The following RLN2 variants were observed in gnomAD, a reference collection of about 807,000 sequenced individuals.
RLN2 encodes relaxin 2.
RLN2 carries 10 observed loss-of-function variants against 7.3 expected under a neutral mutation model. The observed-to-expected ratio is 1.36, with a 90% confidence interval of 0.84 to 2.31. RLN2 has a LOEUF of 2.31. Ranked by LOEUF, RLN2 falls within the 30% of genes most tolerant of loss-of-function variation. RLN2 has a pLI of 0.00. For missense variants in RLN2, 298 were observed against 217.6 expected (o/e 1.37, Z -2.32); for synonymous variants, 103 against 82.3 (o/e 1.25, Z -1.36).
the RLN2 span, among the ~76,000 whole-genome samples, chr9:5,338,174 T>G: frequency 1.8e-5 from 2 of 109,146 alleles, no homozygotes; most frequent in Non-Finnish European, 3.7e-5. Flanking sequence ...AATGTACATT[T>G]GTCTTTAATA....
At chr9:5,335,278 G>A in the RLN2 span, 6 of 1,596,014 alleles carry the variant, frequency 3.8e-6, no homozygotes, top group Admixed American at 1.8e-5. Flanking sequence ...GAGACCTTTT[G>A]GTACAACCAA....
the RLN2 span, among the ~76,000 whole-genome samples, chr9:5,331,146 C>T: frequency 6.6e-6 from 1 of 151,980 alleles, no homozygotes; most frequent in Non-Finnish European, 1.5e-5. Flanking sequence ...CAGATGGATT[C>T]ACAGCCAAAT....
intron 1 of RLN2, 116 bp from the exon 2 acceptor site, chr9:5,300,560 T>C (rs143045902): frequency 2.5e-4 from 174 of 684,138 alleles, no homozygotes; most frequent in Admixed American, 8.5e-4. Context: ...AAATTAAACA[T>C]TGAAACAAAA....
chr9:5,332,088 T>G, the RLN2 span, among the ~76,000 whole-genome samples: 1 of 151,944 alleles, frequency 6.6e-6, no homozygotes, highest in Non-Finnish European at 1.5e-5. Context: ...TACTCATATA[T>G]TGAAATAATA....
At position 5,300,188 on chromosome 9, in the gene RLN2, A is replaced by C. The variant is rs1472854411; in HGVS notation, c.468T>G (p.His156Gln). 6.2e-7 allele frequency: 1 copy of C among 1,613,688 alleles called. No individual in the cohort carries two copies. The highest frequency in any genetic ancestry group is 2.2e-5 in the East Asian group (1 of 44,874). Residue 156 changes from histidine to glutamine, a missense_variant, in exon 2 of 2, where the codon CAT becomes CAG. His to Gln is a conservative substitution (Grantham distance 24, BLOSUM62 0). Coordinates refer to ENST00000381627, the MANE Select transcript of RLN2 (RefSeq NM_134441.3). ...TGTAGAGTTGTCTCTTTTTTCGAGA[A>C]TGAGTATCCAAGCCTAAGTATTTTA... is the stretch of plus-strand genomic sequence containing the variant. Reference protein sequence around the residue: ...SELKYLGLDTHSRKKRQLYSA... With the variant: ...SELKYLGLDTQSRKKRQLYSA...
At chr9:5,306,064 C>T (rs1377160115), upstream of RLN2, among the ~76,000 whole-genome samples, 1 of 147,150 alleles carries the variant, frequency 6.8e-6, no homozygotes, top group Non-Finnish European at 1.5e-5. Context: ...AGTAATTGGT[C>T]GTTAAAAATG....
At chr9:5,309,724 G>C in the RLN2 span, among the ~76,000 whole-genome samples, 2 of 152,026 alleles carry the variant, frequency 1.3e-5, no homozygotes, top group African/African-American at 4.8e-5. Context: ...CTTACTTGTA[G>C]GTCTTTCCTG....
the RLN2 span, chr9:5,339,188 T>G: frequency 5.0e-6 from 1 of 200,010 alleles, no homozygotes; most frequent in Non-Finnish European, 8.9e-6. Context: ...CCCGGCCTCC[T>G]GCGGGTCTCC....
At chr9:5,330,586 C>T in the RLN2 span, among the ~76,000 whole-genome samples, 1 of 129,030 alleles carries the variant, frequency 7.8e-6, no homozygotes, top group South Asian at 2.4e-4. Flanking sequence ...TGCAGTGAGC[C>T]AAGATCACAC....
chr9:5,332,079 A>G, the RLN2 span, among the ~76,000 whole-genome samples: 1 of 152,088 alleles, frequency 6.6e-6, no homozygotes, highest in East Asian at 1.9e-4. Context: ...TTTAGTGTAT[A>G]CTCATATATT....
At chr9:5,301,490 T>G (rs1331779402) in intron 1 of RLN2, among the ~76,000 whole-genome samples, 1 of 152,238 alleles carries the variant, frequency 6.6e-6, no homozygotes, top group Non-Finnish European at 1.5e-5. Context: ...ATTATACAAC[T>G]TAATAGTTTT....
the RLN2 span, among the ~76,000 whole-genome samples, chr9:5,309,967 C>T: frequency 1.3e-5 from 2 of 151,962 alleles, 1 homozygote; most frequent in Non-Finnish European, 2.9e-5. Flanking sequence ...GACCCTGTGA[C>T]ACACAGTGAG....
At chr9:5,337,084 A>G in the RLN2 span, among the ~76,000 whole-genome samples, 1 of 152,116 alleles carries the variant, frequency 6.6e-6, no homozygotes, top group Non-Finnish European at 1.5e-5. Flanking sequence ...TGGAAATGAC[A>G]GATGAGAATT....
At chr9:5,305,487 A>G (rs1816232211), upstream of RLN2, among the ~76,000 whole-genome samples, 1 of 151,912 alleles carries the variant, frequency 6.6e-6, no homozygotes, top group African/African-American at 2.4e-5. Context: ...AACAAATTAC[A>G]GCACAAAGAT....
At chr9:5,321,860 G>C in the RLN2 span, among the ~76,000 whole-genome samples, 3 of 152,056 alleles carry the variant, frequency 2.0e-5, no homozygotes, top group Non-Finnish European at 4.4e-5. Flanking sequence ...CTTGGTGTCA[G>C]CTGTGCTCAG....
chr9:5,332,512 C>G, the RLN2 span, among the ~76,000 whole-genome samples: 4 of 151,774 alleles, frequency 2.6e-5, no homozygotes, highest in South Asian at 2.1e-4. Flanking sequence ...CAATGTAACA[C>G]ATGGAAGGTG....
chr9:5,310,393 C>G, the RLN2 span, among the ~76,000 whole-genome samples: 1 of 151,928 alleles, frequency 6.6e-6, no homozygotes, highest in Non-Finnish European at 1.5e-5. Context: ...CTCCCCTACA[C>G]CCCTGCCCAA....
At chr9:5,302,527 T>A (rs977116606) in intron 1 of RLN2, among the ~76,000 whole-genome samples, 2 of 152,194 alleles carry the variant, frequency 1.3e-5, no homozygotes, top group African/African-American at 4.8e-5. Flanking sequence ...ATGGTAAACA[T>A]TTGTCTTAAT....
At chr9:5,317,365 T>C in the RLN2 span, among the ~76,000 whole-genome samples, 1 of 150,854 alleles carries the variant, frequency 6.6e-6, no homozygotes, top group Non-Finnish European at 1.5e-5. Flanking sequence ...AACAGGAGAA[T>C]TGCTTGAACC....
Sources: allele counts gnomAD v4.1 joint callset (sites outside exome capture counted in the v4.1 genomes callset), GRCh38; gene constraint gnomAD v4.1.1; transcripts MANE v1.5; gene names NCBI Gene and HGNC (gene_info 2026-07-23, HGNC 2026-07-21).